The following GRIA1 variants were observed in gnomAD, a reference collection of about 807,000 sequenced individuals.
The protein encoded by GRIA1 is glutamate ionotropic receptor AMPA type subunit 1, also known as glutamate receptor 1.
GRIA1 carries 31 observed loss-of-function variants against 99.2 expected under a neutral mutation model. That is an observed-to-expected ratio of 0.31 (90% CI 0.23 to 0.42). The LOEUF is 0.42. Among genes scored for constraint, GRIA1 ranks in the 10% least tolerant of loss-of-function variants. The pLI, the probability that GRIA1 is intolerant of heterozygous loss-of-function variation, is 1.00. For synonymous variants in GRIA1, 438 were observed against 432.4 expected (o/e 1.01, Z -0.16); for missense variants, 782 against 1,157.5 (o/e 0.68, Z 4.71).
chr5:153,664,499 C>T (rs559308087), intron 5 of GRIA1, among the ~76,000 whole-genome samples: 278 of 151,894 alleles, frequency 1.8e-3, no homozygotes, highest in Non-Finnish European at 2.6e-3. Context: ...GCCCTCTTCA[C>T]CCAACCAAAG....
intron 2 of GRIA1, among the ~76,000 whole-genome samples, chr5:153,635,475 G>A (rs1021020605): frequency 6.6e-6 from 1 of 152,202 alleles, no homozygotes; most frequent in African/African-American, 2.4e-5. Context: ...CTGCACAAAG[G>A]CAGAGCTAGG....
chr5:153,783,375 G>C (rs1764763210), intron 13 of GRIA1, among the ~76,000 whole-genome samples: 1 of 152,182 alleles, frequency 6.6e-6, no homozygotes, highest in South Asian at 2.1e-4. Flanking sequence ...TGTGCCTGCT[G>C]CTGCTGACAA....
At chr5:153,729,117 A>G (rs1212938249) in intron 11 of GRIA1, among the ~76,000 whole-genome samples, 1 of 150,794 alleles carries the variant, frequency 6.6e-6, no homozygotes, top group Non-Finnish European at 1.5e-5. Context: ...CATCATTCTC[A>G]GTAAACTATC....
intron 11 of GRIA1, among the ~76,000 whole-genome samples, chr5:153,758,417 T>C (rs952428859): frequency 2.0e-5 from 3 of 151,346 alleles, no homozygotes; most frequent in African/African-American, 4.9e-5. Flanking sequence ...CACACTTATA[T>C]CAGAAAAAAG....
intron 7 of GRIA1, among the ~76,000 whole-genome samples, chr5:153,680,492 G>A (rs1391295323): frequency 6.6e-6 from 1 of 152,056 alleles, no homozygotes; most frequent in Non-Finnish European, 1.5e-5. Flanking sequence ...AGATTCTTTT[G>A]CTTAGAAAAA....
At chr5:153,775,521 G>A (rs774163423) in intron 13 of GRIA1, among the ~76,000 whole-genome samples, 12 of 152,138 alleles carry the variant, frequency 7.9e-5, no homozygotes, top group South Asian at 2.1e-4. Flanking sequence ...GCAGCTTACC[G>A]GGTAATGGGC....
chr5:153,599,301 A>T (rs1466102791), intron 2 of GRIA1, among the ~76,000 whole-genome samples: 1 of 152,254 alleles, frequency 6.6e-6, no homozygotes, highest in African/African-American at 2.4e-5. Flanking sequence ...TTTACTGAGC[A>T]TCTTCTAGGC....
intron 14 of GRIA1, chr5:153,795,516 G>T: frequency 1.9e-6 from 3 of 1,613,346 alleles, no homozygotes; most frequent in Non-Finnish European, 2.5e-6. Flanking sequence ...CAGTGAGCAA[G>T]GCGTCTTAGA....
chr5:153,811,210 A>G lies in GRIA1; in HGVS notation c.2706A>G (p.Gly902=), dbSNP rs753350918. Residue 902 remains glycine, a synonymous_variant, in exon 16 of 16, where the codon GGA becomes GGG. Transcript: ENST00000285900. ...GCCACAGTTCAGGGATGCCCTTGGG[A>G]GCCACGGGATTGTAACTGGAGCAGA... is the stretch of plus-strand genomic sequence containing the variant. The part of the protein sequence containing the change: ...CMSHSSGMPL[G]ATGL The G allele has an allele frequency of 1.6e-5, 26 of 1,613,890 alleles. No individual in the cohort carries two copies. Among genetic ancestry groups the G allele is most frequent in the Non-Finnish European group, 2.2e-5 (26 of 1,179,820 alleles).
intron 1 of GRIA1, among the ~76,000 whole-genome samples, chr5:153,492,962 GACTGTGATT>G (rs1192098792): frequency 1.3e-5 from 2 of 152,168 alleles, no homozygotes; most frequent in African/African-American, 4.8e-5. Flanking sequence ...ATTATGTTTG[GACTGTGATT>G]ACTGTCAGAT....
intron 2 of GRIA1, among the ~76,000 whole-genome samples, chr5:153,548,008 CT>C (rs1445174930): frequency 6.6e-6 from 1 of 152,114 alleles, no homozygotes; most frequent in Non-Finnish European, 1.5e-5. Flanking sequence ...GTGACATTGT[CT>C]TTTGGTAAAT....
At chr5:153,519,049 G>A (rs910537598) in intron 2 of GRIA1, among the ~76,000 whole-genome samples, 7 of 152,196 alleles carry the variant, frequency 4.6e-5, no homozygotes, top group Admixed American at 3.9e-4. Flanking sequence ...CAGATCACAA[G>A]GTCAGGAGAT....
chr5:153,759,950 T>C (rs1050599766), intron 11 of GRIA1, among the ~76,000 whole-genome samples: 1 of 152,032 alleles, frequency 6.6e-6, no homozygotes, highest in Non-Finnish European at 1.5e-5. Context: ...ACAAATTAGA[T>C]GATCATTTCA....
intron 11 of GRIA1, among the ~76,000 whole-genome samples, chr5:153,735,813 TA>T (rs1256750097): frequency 6.6e-6 from 1 of 152,204 alleles, no homozygotes; most frequent in Non-Finnish European, 1.5e-5. Context: ...GTTAATGTTT[TA>T]GGTCTCAGTA....
At chr5:153,669,671 G>A (rs542367588) in intron 5 of GRIA1, among the ~76,000 whole-genome samples, 1 of 152,272 alleles carries the variant, frequency 6.6e-6, no homozygotes, top group Non-Finnish European at 1.5e-5. Flanking sequence ...AGGGTATAAA[G>A]TAAAAGATAA....
chr5:153,491,063 C>A, intron 1 of GRIA1, 93 bp downstream of exon 1: 1 of 1,261,950 alleles, frequency 7.9e-7, no homozygotes, highest in Non-Finnish European at 1.2e-6. Context: ...CCGGTACTGA[C>A]TGTTTTGCTT....
At chr5:153,519,548 T>C (rs1236007111) in intron 2 of GRIA1, among the ~76,000 whole-genome samples, 1 of 151,958 alleles carries the variant, frequency 6.6e-6, no homozygotes, top group Non-Finnish European at 1.5e-5. Context: ...AGATTGTGAC[T>C]GAATAAAGCC....
chr5:153,600,925 C>T (rs1037145247), intron 2 of GRIA1, among the ~76,000 whole-genome samples: 4 of 152,208 alleles, frequency 2.6e-5, no homozygotes, highest in Non-Finnish European at 5.9e-5. Flanking sequence ...GCATCCTAGC[C>T]TCGGGGCACT....
chr5:153,522,550 T>C (rs1426060028), intron 2 of GRIA1, among the ~76,000 whole-genome samples: 1 of 152,190 alleles, frequency 6.6e-6, no homozygotes, highest in East Asian at 1.9e-4. Context: ...TTCTTGGTCA[T>C]GCTGCAAGTC....
Sources: gnomAD v4.1 joint callset for allele counts (sites outside exome capture counted in the v4.1 genomes callset) on GRCh38, gnomAD v4.1.1 for gene constraint, MANE v1.5 for transcripts, NCBI Gene and HGNC (gene_info 2026-07-23, HGNC 2026-07-21) for gene names.